The following USH2A variants were observed in gnomAD, a reference collection of about 807,000 sequenced individuals.
USH2A encodes the protein Usher syndrome 2A (autosomal recessive, mild).
Under a neutral mutation model 538.9 loss-of-function variants are expected in USH2A, and 443 were observed. The ratio of observed to expected loss-of-function variants is 0.82; its 90% CI spans 0.76 to 0.89. The LOEUF (loss-of-function observed/expected upper bound fraction) is 0.89, where lower values mean the gene tolerates loss of function less well. Ranked by LOEUF, USH2A falls within the 40% of genes least tolerant of loss-of-function variation. USH2A has a pLI of 0.00. For missense variants in USH2A, 6,633 were observed against 6,324.8 expected, an observed-to-expected ratio of 1.05 and a Z score of -1.65; for synonymous variants, 2,413 against 2,273.5, an observed-to-expected ratio of 1.06 and a Z score of -1.75.
At chr1:215,808,210 C>T (rs1662557980) in intron 49 of USH2A, among the ~76,000 whole-genome samples, 1 of 152,174 alleles carries the variant, frequency 6.6e-6, no homozygotes, top group Non-Finnish European at 1.5e-5. Context: ...TAGGGATGTT[C>T]ATTGTAATTT....
Position 215,888,470 on chromosome 1 carries a change from C to A in USH2A, c.8179G>T (p.Val2727Leu), listed in dbSNP as rs145399306. Residue 2727 changes from valine to leucine, a missense_variant, in exon 41 of 72, where the codon GTG becomes TTG. Transcript: ENST00000307340. Reference sequence around the variant, plus strand: ...AGCACTGTCACCACAGGTGGCTGCACCCCAGCAGGTCGTGAGGGTCTTGTG... The same window carrying A: ...AGCACTGTCACCACAGGTGGCTGCAACCCAGCAGGTCGTGAGGGTCTTGTG... ...VTTRPSRPAG[V>L]QPPVVTVLEP... 2.1e-5 allele frequency: 34 copies of A among 1,613,706 alleles called. No individual in the cohort carries two copies. In the African/African-American group the frequency reaches 3.2e-4, roughly 15 times the overall value.
intron 15 of USH2A, among the ~76,000 whole-genome samples, chr1:216,215,175 A>G (rs2035319664): frequency 2.0e-5 from 3 of 152,212 alleles, no homozygotes; most frequent in Middle Eastern, 6.8e-3. Flanking sequence ...ATCACAGATG[A>G]TATTACTAAA....
intron 21 of USH2A, among the ~76,000 whole-genome samples, chr1:216,169,157 GGA>G: frequency 6.6e-6 from 1 of 152,094 alleles, no homozygotes; most frequent in Admixed American, 6.6e-5. Flanking sequence ...TATGCATGTG[GGA>G]TGAGTATATA....
chr1:216,069,705 A>G (rs773780459), intron 30 of USH2A, among the ~76,000 whole-genome samples: 1 of 152,214 alleles, frequency 6.6e-6, no homozygotes, highest in Non-Finnish European at 1.5e-5. Context: ...AGGTTTAATC[A>G]GCAATTTTAC....
rs150222360 is a variant in USH2A at position 215,768,543 on chromosome 1, G to A, written c.10940-1755C>T. On this transcript the variant is annotated intron_variant, in intron 55 of 71. Coordinates refer to ENST00000307340, the MANE Select transcript of USH2A (RefSeq NM_206933.4). ...CAATCTTCCATTTGGTTGCTTTGGA[G>A]GATTTACATAATTTTGATATTTACC... 2.6e-5 allele frequency among the ~76,000 whole-genome samples: 4 copies of A among 152,228 alleles called. No homozygotes were observed. The East Asian group carries it at 7.7e-4, about 29-fold the overall frequency.
At chr1:215,854,840 A>C (rs544363988) in intron 44 of USH2A, among the ~76,000 whole-genome samples, 2 of 152,312 alleles carry the variant, frequency 1.3e-5, no homozygotes, top group Non-Finnish European at 2.9e-5. Flanking sequence ...CTTACTGTAC[A>C]TGTGCTCGAC....
intron 61 of USH2A, among the ~76,000 whole-genome samples, chr1:215,716,499 T>C (rs1659492511): frequency 6.6e-6 from 1 of 152,204 alleles, no homozygotes; most frequent in South Asian, 2.1e-4. Context: ...ATGACATTAG[T>C]AATTGCTTTA....
chr1:215,933,627 T>C (rs2764951), intron 38 of USH2A, among the ~76,000 whole-genome samples: 131,768 of 151,944 alleles, frequency 0.87, 57,243 homozygotes, highest in African/African-American at 0.91. Context: ...GAAGATTCCC[T>C]TTTATTTTTC....
intron 41 of USH2A, among the ~76,000 whole-genome samples, chr1:215,888,110 C>T (rs1239994481): frequency 6.6e-6 from 1 of 152,032 alleles, no homozygotes; most frequent in African/African-American, 2.4e-5. Flanking sequence ...CTTATTTTCC[C>T]ATCTCTTCTC....
chr1:216,237,072 G>A (rs1239721244), intron 13 of USH2A, among the ~76,000 whole-genome samples: 1 of 152,086 alleles, frequency 6.6e-6, no homozygotes, highest in Non-Finnish European at 1.5e-5. Flanking sequence ...CCCATTCAGT[G>A]TTTATCAAAT....
intron 30 of USH2A, among the ~76,000 whole-genome samples, chr1:216,049,091 T>C (rs2030648214): frequency 6.6e-6 from 1 of 152,208 alleles, no homozygotes; most frequent in South Asian, 2.1e-4. Context: ...AGGGCACCTA[T>C]TAACACACTT....
At chr1:216,311,275 G>C (rs768821277) in intron 9 of USH2A, among the ~76,000 whole-genome samples, 4 of 152,148 alleles carry the variant, frequency 2.6e-5, no homozygotes, top group Non-Finnish European at 5.9e-5. Flanking sequence ...GGCATGGATA[G>C]GACAGGTCTC....
chr1:215,782,279 G>C, intron 53 of USH2A, 83 bp from the exon 54 acceptor site: 1 of 1,434,250 alleles, frequency 7.0e-7, no homozygotes, highest in Non-Finnish European at 9.7e-7. Context: ...TTAGTGTTCG[G>C]AAGAAATGCA....
intron 64 of USH2A, among the ~76,000 whole-genome samples, chr1:215,664,921 G>T (rs1181364357): frequency 6.6e-6 from 1 of 152,216 alleles, no homozygotes; most frequent in African/African-American, 2.4e-5. Flanking sequence ...AAGCCACCCA[G>T]TCTATGATAT....
At chr1:215,826,704 A>C (rs186555943) in intron 47 of USH2A, among the ~76,000 whole-genome samples, 6 of 152,304 alleles carry the variant, frequency 3.9e-5, no homozygotes, top group African/African-American at 1.4e-4. Context: ...AAGGATAGCC[A>C]AAACAGTGTG....
chr1:215,985,714 A>C (rs2102470459), intron 35 of USH2A, among the ~76,000 whole-genome samples: 1 of 152,278 alleles, frequency 6.6e-6, no homozygotes, highest in East Asian at 1.9e-4. Flanking sequence ...CTTCATGTGC[A>C]TACATTATGA....
Position 216,247,579 on chromosome 1 carries a change from A to T in USH2A, c.2168-353T>A, listed in dbSNP as rs146808780. Among the ~76,000 whole-genome samples, 3 of 152,330 alleles carry T rather than the reference A, an allele frequency of 2.0e-5. No individual in the cohort carries two copies. The East Asian group carries it at 5.8e-4, about 29-fold the overall frequency. ...GCTCATTTAAAATTATAGTAGAATT[A>T]CATATAACAAATTAGTTGTTTTTCT... On this transcript the variant is annotated intron_variant, in intron 12 of 71. Coordinates refer to ENST00000307340, the MANE Select transcript of USH2A (RefSeq NM_206933.4).
At chr1:215,883,042 C>T (rs1664956859) in intron 41 of USH2A, among the ~76,000 whole-genome samples, 1 of 152,114 alleles carries the variant, frequency 6.6e-6, no homozygotes, top group Admixed American at 6.5e-5. Context: ...TATCCGTGAT[C>T]TGTGCCTCCA....
At chr1:215,750,273 C>A (rs182364671) in intron 58 of USH2A, among the ~76,000 whole-genome samples, 133 of 152,092 alleles carry the variant, frequency 8.7e-4, no homozygotes, top group Non-Finnish European at 1.4e-3. Context: ...TCATTCATAC[C>A]AATTGTATGG....
Sources: allele counts gnomAD v4.1 joint callset (sites outside exome capture counted in the v4.1 genomes callset), GRCh38; gene constraint gnomAD v4.1.1; transcripts MANE v1.5; gene names NCBI Gene and HGNC (gene_info 2026-07-23, HGNC 2026-07-21).